Variants in CEP76 observed in about 807,000 individuals in gnomAD.
CEP76 encodes centrosomal protein of 76 kDa.
CEP76 carries 55 observed loss-of-function variants against 83.3 expected under a neutral mutation model. That is an observed-to-expected ratio of 0.66 (90% CI 0.53 to 0.83). The LOEUF (loss-of-function observed/expected upper bound fraction) is 0.83. Among genes scored for constraint, CEP76 ranks in the 40% least tolerant of loss-of-function variants. CEP76 has a pLI of 0.00. For synonymous variants in CEP76, 270 were observed against 274.5 expected (o/e 0.98, Z 0.16); for missense variants, 694 against 799.5 (o/e 0.87, Z 1.59).
At chr18:12,690,465 T>G (rs991522389) in intron 7 of CEP76, among the ~76,000 whole-genome samples, 1 of 152,040 alleles carries the variant, frequency 6.6e-6, no homozygotes, top group Admixed American at 6.5e-5. Context: ...TTTTGTTGTT[T>G]TTTTTTTTGA....
Position 12,686,355 on chromosome 18 carries a change from A to G in CEP76, c.1029T>C (p.Val343=). Residue 343 remains valine (V), a synonymous_variant, in exon 8 of 12, where the codon GTT becomes GTC. Coordinates refer to ENST00000262127, the MANE Select transcript of CEP76 (RefSeq NM_024899.4). ...LDTPRQAARF[V]NVLGYERAPV... ...GGGCTCGTTCATAACCAAGGACATT[A>G]ACAAATCTTGCTGCTTGCCTTGGAG... The G allele has an allele frequency of 6.2e-7, 1 of 1,614,134 alleles. No individual in the cohort carries two copies. The highest frequency in any genetic ancestry group is 1.3e-5 in the African/African-American group (1 of 75,042).
At chr18:12,665,911 G>A (rs1443743607) in intron 12 of CEP76, among the ~76,000 whole-genome samples, 2 of 152,130 alleles carry the variant, frequency 1.3e-5, no homozygotes, top group East Asian at 1.9e-4. Context: ...TGGCCAGGCT[G>A]GTCTTGAACG....
downstream of CEP76, among the ~76,000 whole-genome samples, chr18:12,672,082 T>C (rs1042051786): frequency 6.6e-6 from 1 of 151,102 alleles, no homozygotes; most frequent in Non-Finnish European, 1.5e-5. Flanking sequence ...CCTCCCAAAG[T>C]GCTGGCATTA....
downstream of CEP76, among the ~76,000 whole-genome samples, chr18:12,671,618 T>G (rs1330626864): frequency 6.7e-6 from 1 of 150,260 alleles, no homozygotes; most frequent in Non-Finnish European, 1.5e-5. Flanking sequence ...TTAAAATAAG[T>G]TGAGGAATCA....
intron 4 of CEP76, among the ~76,000 whole-genome samples, chr18:12,697,720 C>T (rs956543188): frequency 6.6e-6 from 1 of 152,164 alleles, no homozygotes; most frequent in South Asian, 2.1e-4. Context: ...CAATAAAAAG[C>T]CTTCAAGTAT....
chr18:12,701,622 A>G (rs772246963), intron 1 of CEP76, among the ~76,000 whole-genome samples: 1 of 152,196 alleles, frequency 6.6e-6, no homozygotes, highest in Non-Finnish European at 1.5e-5. Flanking sequence ...CTGGCACACA[A>G]GGGCACCATA....
intron 11 of CEP76, 43 bp downstream of exon 11, chr18:12,674,491 TAA>T: frequency 6.9e-7 from 1 of 1,455,302 alleles, no homozygotes; most frequent in Non-Finnish European, 9.6e-7. Flanking sequence ...GACTGATCTG[TAA>T]GACTCCTAAA....
At chr18:12,676,441 ATTTTTGTACT>A (rs2039139940) in intron 10 of CEP76, among the ~76,000 whole-genome samples, 1 of 149,292 alleles carries the variant, frequency 6.7e-6, no homozygotes, top group South Asian at 2.1e-4. Flanking sequence ...CACCCGGCTA[ATTTTTGTACT>A]TTTTGTAGAG....
chr18:12,684,485 G>GT (rs34972678), intron 8 of CEP76: 299 of 142,108 alleles, frequency 2.1e-3, no homozygotes, highest in South Asian at 7.5e-3. Flanking sequence ...ATAGTTTTTT[G>GT]TTTTTTTTTT....
At chr18:12,701,939 A>T (rs567486939) in intron 1 of CEP76, among the ~76,000 whole-genome samples, 1 of 151,962 alleles carries the variant, frequency 6.6e-6, no homozygotes, top group Non-Finnish European at 1.5e-5. Context: ...GACCAGCCAC[A>T]CCAACATGGT....
chr18:12,677,402 T>C (rs1311709954), intron 10 of CEP76, among the ~76,000 whole-genome samples: 3 of 135,380 alleles, frequency 2.2e-5, no homozygotes, highest in East Asian at 4.3e-4. Context: ...CACGCCACTG[T>C]GCCAAGATCA....
chr18:12,688,188 G>A (rs2039614972), intron 7 of CEP76, among the ~76,000 whole-genome samples: 1 of 140,464 alleles, frequency 7.1e-6, no homozygotes. Context: ...CCGAGATCGT[G>A]CCACTGCACT....
rs986626114 is a variant in CEP76 at position 12,701,770 on chromosome 18, T to C, written c.64-657A>G. On this transcript the variant is annotated intron_variant, in intron 1 of 11. Transcript: ENST00000262127. Reference sequence around the variant, plus strand: ...TTAGTAACTTCTCTTCCATGACTTATTTGAGAATTGCTGATTGAAGCTCCT... The same window carrying C: ...TTAGTAACTTCTCTTCCATGACTTACTTGAGAATTGCTGATTGAAGCTCCT... 2.0e-5 allele frequency among the ~76,000 whole-genome samples: 3 copies of C among 152,194 alleles called. No homozygotes were observed. The East Asian group carries it at 5.8e-4, about 29-fold the overall frequency.
At chr18:12,678,628 A>G (rs949301434) in intron 9 of CEP76, among the ~76,000 whole-genome samples, 186 bp from the exon 10 acceptor site, 1 of 152,120 alleles carries the variant, frequency 6.6e-6, no homozygotes, top group African/African-American at 2.4e-5. Context: ...CGTCTTTACA[A>G]TATTGAAACC....
intron 7 of CEP76, among the ~76,000 whole-genome samples, chr18:12,689,850 C>T (rs1237598573): frequency 2.0e-5 from 3 of 152,204 alleles, no homozygotes; most frequent in African/African-American, 7.2e-5. Context: ...AGTGCAATGG[C>T]GTGATCTTCG....
At chr18:12,688,501 AAG>A (rs925278068) in intron 7 of CEP76, among the ~76,000 whole-genome samples, 2 of 152,226 alleles carry the variant, frequency 1.3e-5, no homozygotes, top group Non-Finnish European at 1.5e-5. Context: ...ATGAGCACAT[AAG>A]AAGTGGAAGC....
chr18:12,663,718 A>C (rs2038746298), intron 12 of CEP76, among the ~76,000 whole-genome samples: 1 of 152,212 alleles, frequency 6.6e-6, no homozygotes, highest in East Asian at 1.9e-4. Flanking sequence ...TGATGAGACA[A>C]TGCAAAAATG....
Position 12,675,588 on chromosome 18 carries a change from T to TG in CEP76, c.1624-836dup, listed in dbSNP as rs538636488. ...TTATATACTGTAAGAGATAAAAAGA[T>TG]GAAGACATTTTATAGGCCCTTAGGG... On this transcript the variant is annotated intron_variant, in intron 10 of 11. Transcript: ENST00000262127. Among the ~76,000 whole-genome samples, 10 of 152,288 alleles carry TG rather than the reference T, an allele frequency of 6.6e-5. No individual in the cohort carries two copies. In the East Asian group the frequency reaches 1.9e-3, roughly 29 times the overall value.
At chr18:12,677,168 T>A (rs985648397) in intron 10 of CEP76, among the ~76,000 whole-genome samples, 1 of 152,110 alleles carries the variant, frequency 6.6e-6, no homozygotes, top group Admixed American at 6.6e-5. Context: ...AGAGGCTTGA[T>A]CTGGCTGGGC....
Sources: gnomAD v4.1 joint callset for allele counts (sites outside exome capture counted in the v4.1 genomes callset) on GRCh38, gnomAD v4.1.1 for gene constraint, MANE v1.5 for transcripts, NCBI Gene and HGNC (gene_info 2026-07-23, HGNC 2026-07-21) for gene names.